PALM2AKAP2: variants seen among roughly 807,000 people sequenced by gnomAD.
The protein encoded by PALM2AKAP2 is PALM2 and AKAP2 fusion.
A neutral mutation model predicts 71.5 loss-of-function variants in PALM2AKAP2; 37 were observed. The ratio of observed to expected loss-of-function variants is 0.52; its 90% CI spans 0.40 to 0.68. The LOEUF is 0.68. PALM2AKAP2 is among the 30% of genes least tolerant of loss of function. PALM2AKAP2 has a pLI of 0.00. For missense variants in PALM2AKAP2, 1,224 were observed against 1,191.8 expected (o/e 1.03, Z -0.40); for synonymous variants, 468 against 478.8 (o/e 0.98, Z 0.29).
intron 1 of PALM2AKAP2, among the ~76,000 whole-genome samples, chr9:109,690,038 G>A (rs1288081622): frequency 6.6e-6 from 1 of 151,650 alleles, no homozygotes; most frequent in African/African-American, 2.4e-5. Context: ...AAACAATCAG[G>A]ACTAACCCCT....
At chr9:109,957,889 G>A (rs568279152) in intron 6 of PALM2AKAP2, among the ~76,000 whole-genome samples, 3 of 152,298 alleles carry the variant, frequency 2.0e-5, no homozygotes, top group South Asian at 4.1e-4. Flanking sequence ...AGGGCTGGCC[G>A]CAGTGAGTCC....
intron 6 of PALM2AKAP2, among the ~76,000 whole-genome samples, chr9:109,955,713 A>T (rs1261512801): frequency 6.6e-6 from 1 of 152,118 alleles, no homozygotes; most frequent in Non-Finnish European, 1.5e-5. Context: ...TGAAACAGAG[A>T]TCTTTACTCC....
intron 1 of PALM2AKAP2, among the ~76,000 whole-genome samples, chr9:109,718,306 C>T (rs951635327): frequency 2.0e-5 from 3 of 152,168 alleles, no homozygotes; most frequent in Non-Finnish European, 4.4e-5. Context: ...TCTCCAACTC[C>T]TGAGCTCAAG....
intron 1 of PALM2AKAP2, among the ~76,000 whole-genome samples, chr9:109,697,782 A>T (rs1827994182): frequency 6.6e-6 from 1 of 152,216 alleles, no homozygotes. Context: ...CACTTCCCTT[A>T]TAGATAATGG....
At chr9:110,047,222 C>G (rs1229330039), upstream of PALM2AKAP2, among the ~76,000 whole-genome samples, 2 of 152,130 alleles carry the variant, frequency 1.3e-5, no homozygotes, top group Non-Finnish European at 2.9e-5. Flanking sequence ...ATCGTGAAAC[C>G]ATTTCCAAAT....
At chr9:110,057,067 G>A (rs1225585121) in intron 1 of PALM2AKAP2, among the ~76,000 whole-genome samples, 1 of 152,172 alleles carries the variant, frequency 6.6e-6, no homozygotes, top group Admixed American at 6.5e-5. Flanking sequence ...TTCCCAGGCA[G>A]GATGGTAGGA....
intron 6 of PALM2AKAP2, among the ~76,000 whole-genome samples, chr9:109,962,278 T>C (rs776416866): frequency 1.3e-5 from 2 of 152,212 alleles, no homozygotes; most frequent in Non-Finnish European, 2.9e-5. Context: ...AACTAAAATA[T>C]AGCTATTAGT....
intron 1 of PALM2AKAP2, chr9:110,125,672 C>T (rs1412477714): frequency 1.1e-6 from 1 of 896,030 alleles, no homozygotes; most frequent in East Asian, 1.2e-4. Context: ...TTTTTGAGGC[C>T]AGTGTCTTTA....
At chr9:109,819,634 C>T (rs1006505881) in intron 1 of PALM2AKAP2, among the ~76,000 whole-genome samples, 1 of 122,106 alleles carries the variant, frequency 8.2e-6, no homozygotes, top group African/African-American at 2.7e-5. Flanking sequence ...CTTCTGCATA[C>T]ATCATTGAGC....
At chr9:109,783,228 G>C (rs1826866441) in intron 1 of PALM2AKAP2, among the ~76,000 whole-genome samples, 1 of 152,160 alleles carries the variant, frequency 6.6e-6, no homozygotes, top group Non-Finnish European at 1.5e-5. Flanking sequence ...TCATTGGATG[G>C]TGTTGAGCAG....
At chr9:110,006,210 C>T (rs1832777870) in intron 6 of PALM2AKAP2, among the ~76,000 whole-genome samples, 1 of 151,276 alleles carries the variant, frequency 6.6e-6, no homozygotes, top group Non-Finnish European at 1.5e-5. Flanking sequence ...CTCTCTATAT[C>T]TCTTCTCTTT....
chr9:109,968,684 T>C (rs1832003176), intron 6 of PALM2AKAP2, among the ~76,000 whole-genome samples: 1 of 152,160 alleles, frequency 6.6e-6, no homozygotes, highest in African/African-American at 2.4e-5. Flanking sequence ...GGGGACTCCA[T>C]GTGAAATCAA....
chr9:110,078,934 A>G (rs375847879), intron 1 of PALM2AKAP2, among the ~76,000 whole-genome samples: 3 of 152,354 alleles, frequency 2.0e-5, no homozygotes, highest in South Asian at 2.1e-4. Context: ...GTGTCCAACA[A>G]TAGCAACTGC....
chr9:109,962,567 A>G (rs1355481851), intron 6 of PALM2AKAP2, among the ~76,000 whole-genome samples: 1 of 152,164 alleles, frequency 6.6e-6, no homozygotes, highest in Admixed American at 6.5e-5. Flanking sequence ...CATAAGTAAG[A>G]TACTCAAAAT....
At chr9:109,866,704 CT>C (rs1410619117) in intron 1 of PALM2AKAP2, among the ~76,000 whole-genome samples, 1 of 152,192 alleles carries the variant, frequency 6.6e-6, no homozygotes, top group African/African-American at 2.4e-5. Context: ...GTTACATCAT[CT>C]TATTTAATCC....
At chr9:109,943,494 C>A (rs1003186474) in intron 6 of PALM2AKAP2, 25 of 1,509,550 alleles carry the variant, frequency 1.7e-5, no homozygotes, top group Non-Finnish European at 2.1e-5. Context: ...CTCACTGTAC[C>A]ACTAACTGCA....
intron 1 of PALM2AKAP2, among the ~76,000 whole-genome samples, chr9:110,100,718 G>A (rs1187432569): frequency 6.6e-6 from 1 of 152,196 alleles, no homozygotes; most frequent in African/African-American, 2.4e-5. Flanking sequence ...TTTAGAATTT[G>A]TGTCAACTGT....
chr9:109,849,776 G>A (rs996053441), intron 1 of PALM2AKAP2, among the ~76,000 whole-genome samples: 2 of 151,710 alleles, frequency 1.3e-5, no homozygotes, highest in African/African-American at 4.8e-5. Flanking sequence ...AAAACAAAAA[G>A]CAAAAACAAA....
At chr9:110,042,576 A>T (rs895581497) in intron 7 of PALM2AKAP2, among the ~76,000 whole-genome samples, 2 of 152,246 alleles carry the variant, frequency 1.3e-5, no homozygotes, top group African/African-American at 4.8e-5. Flanking sequence ...TAGTTGAGCT[A>T]GAGTAAGCAA....
Sources: gnomAD v4.1 joint callset for allele counts (sites outside exome capture counted in the v4.1 genomes callset) on GRCh38, gnomAD v4.1.1 for gene constraint, MANE v1.5 for transcripts, NCBI Gene and HGNC (gene_info 2026-07-23, HGNC 2026-07-21) for gene names.